SERPINA5: variants seen among roughly 807,000 people sequenced by gnomAD.
SERPINA5 encodes the protein serpin family A member 5, also known as plasma serine protease inhibitor.
A neutral mutation model predicts 25.3 loss-of-function variants in SERPINA5; 25 were observed. The observed-to-expected ratio is 0.99, with a 90% confidence interval of 0.72 to 1.38. The LOEUF (loss-of-function observed/expected upper bound fraction) is 1.38, where lower values mean the gene tolerates loss of function less well. SERPINA5 is among the 40% of genes most tolerant of loss of function. The pLI, the probability that SERPINA5 is intolerant of heterozygous loss-of-function variation, is 0.00. For synonymous variants in SERPINA5, 234 were observed against 206.2 expected (o/e 1.14, Z -1.16); for missense variants, 599 against 509.5 (o/e 1.18, Z -1.69).
At chr14:94,589,026 G>T (rs1249220281) in intron 3 of SERPINA5, among the ~76,000 whole-genome samples, 1 of 152,146 alleles carries the variant, frequency 6.6e-6, no homozygotes, top group Non-Finnish European at 1.5e-5. Context: ...AGTGAGTGTC[G>T]AACTTGGACT....
In SERPINA5 at chr14:94,587,935, C is replaced by T. The variant is rs1803280; in HGVS notation, c.573C>T (p.Leu191=). ...KGKIVDLLKN[L]DSNAVVIMVN... ...AGATTGTGGACTTGCTTAAGAACCT[C>T]GATAGCAATGCGGTCGTGATCATGG... The change falls in exon 3 of 6, where the codon CTC becomes CTT. Residue 191 remains leucine (L), a synonymous_variant. Transcript: ENST00000329597. 1.1e-5 allele frequency: 17 copies of T among 1,614,234 alleles called. No individual in the cohort carries two copies. Among genetic ancestry groups the T allele is most frequent in the South Asian group, 9.9e-5 (9 of 91,086 alleles).
chr14:94,591,552 C>CTAT (rs1368579528), intron 5 of SERPINA5, among the ~76,000 whole-genome samples: 1 of 120,322 alleles, frequency 8.3e-6, no homozygotes, highest in African/African-American at 3.7e-5. Context: ...CTGTTCTGTT[C>CTAT]TATTCTATTC....
In SERPINA5 at chr14:94,581,821, A is replaced by G. The variant is rs1001760796; in HGVS notation, c.-18+111A>G. The G allele has an allele frequency of 3.3e-5, 5 of 151,102 alleles. No individual in the cohort carries two copies. The East Asian group carries it at 1.0e-3, about 30-fold the overall frequency. 9.4% of individuals were successfully genotyped at this position (151,102 alleles called of 1,614,324 possible). ...TCTGCAGACACATTTGGTTGCCACAACTGGAAGGGGGGTGGGGGTTAGTGA... is the reference window on the plus strand; with the variant it reads ...TCTGCAGACACATTTGGTTGCCACAGCTGGAAGGGGGGTGGGGGTTAGTGA... On this transcript the variant is annotated intron_variant, in intron 2 of 5. Transcript: ENST00000329597.
chr14:94,592,263 C>A lies in SERPINA5; in HGVS notation c.*24C>A. The A allele has an allele frequency of 6.2e-7, 1 of 1,601,814 alleles. No homozygotes were observed. The highest frequency in any genetic ancestry group is 1.7e-5 in the Admixed American group (1 of 59,320). ...GAGGTGGGGCTTCTCCTGAAATCTACAGGCCTCAGGGTGGGAGATGAAGGG... is the reference window on the plus strand; with the variant it reads ...GAGGTGGGGCTTCTCCTGAAATCTAAAGGCCTCAGGGTGGGAGATGAAGGG... On this transcript the variant is annotated 3_prime_UTR_variant, in exon 6 of 6. Transcript: ENST00000329597.
chr14:94,590,303 C>CA lies in SERPINA5; in HGVS notation c.887dup (p.Arg297GlufsTer13). On this transcript the variant is annotated frameshift_variant, in exon 4 of 6. Transcript: ENST00000329597. LOFTEE classifies it high-confidence loss of function. ...CGCTGAGGAAGTGGCTTAAGATGTT[C>CA]AAAAAGAGGTACTTTCAGACTACCC... 2 of 1,593,752 alleles carry CA rather than the reference C, an allele frequency of 1.3e-6. No individual in the cohort carries two copies. Among genetic ancestry groups the CA allele is most frequent in the South Asian group, 1.1e-5 (1 of 88,418 alleles).
Position 94,592,603 on chromosome 14 carries a change from C to T in SERPINA5, c.*364C>T. On this transcript the variant is annotated 3_prime_UTR_variant, in exon 6 of 6. Transcript: ENST00000329597. ...ACAAAGCTCAATAGGAGGGATGTTC[C>T]AGTGGATGAGGGCCACCAGGAAGCA... 5.3e-6 allele frequency: 1 copy of T among 189,400 alleles called. No homozygotes were observed. Among genetic ancestry groups the T allele is most frequent in the Non-Finnish European group, 1.1e-5 (1 of 91,078 alleles). The allele number at this position is 189,400 out of a possible 1,614,324, so 11.7% of individuals were successfully genotyped here.
At chr14:94,582,895 T>A (rs984744556) in intron 2 of SERPINA5, among the ~76,000 whole-genome samples, 3 of 152,182 alleles carry the variant, frequency 2.0e-5, no homozygotes. Context: ...GATAAGGTAT[T>A]GCAAAGAAGT....
rs1885350041 is a variant in SERPINA5 at position 94,592,906 on chromosome 14, TC to T, written c.*669del. On this transcript the variant is annotated 3_prime_UTR_variant, in exon 6 of 6. Coordinates refer to ENST00000329597, the MANE Select transcript of SERPINA5 (RefSeq NM_000624.6). ...TTTCAATACACTCAAGTGCCATTCATCCTTTAAGAAAAACATCTGGATATCA... is the reference window on the plus strand; with the variant it reads ...TTTCAATACACTCAAGTGCCATTCATCTTTAAGAAAAACATCTGGATATCA... 1 of 152,184 alleles carries T rather than the reference TC, an allele frequency of 6.6e-6. No homozygotes were observed. The highest frequency in any genetic ancestry group is 1.5e-5 in the Non-Finnish European group (1 of 68,044). 9.4% of individuals were successfully genotyped at this position (152,184 alleles called of 1,614,324 possible). A position where few individuals can be genotyped will look rare whatever the true frequency, so the allele number is the denominator to read the frequency against.
intron 3 of SERPINA5, among the ~76,000 whole-genome samples, chr14:94,588,406 A>C (rs180902148): frequency 1.3e-3 from 197 of 152,244 alleles, no homozygotes; most frequent in African/African-American, 4.6e-3. Context: ...CTCTGCCCTC[A>C]TAGAGGCCAA....
At chr14:94,589,679 G>A (rs1209265765) in intron 3 of SERPINA5, among the ~76,000 whole-genome samples, 9 of 152,120 alleles carry the variant, frequency 5.9e-5, no homozygotes, top group African/African-American at 7.2e-5. Flanking sequence ...AGTTCACCCA[G>A]ATATCAGGTA....
At chr14:94,592,014 C>A in intron 5 of SERPINA5, 43 bp from the exon 6 acceptor site, 2 of 1,583,720 alleles carry the variant, frequency 1.3e-6, no homozygotes, top group South Asian at 2.3e-5. Context: ...GATGACTTCA[C>A]CTGCCCCTAG....
At chr14:94,591,037 TTCCAC>T (rs201105278) in intron 5 of SERPINA5, 141 bp downstream of exon 5, 68,441 of 429,600 alleles carry the variant, frequency 0.16, 10,890 homozygotes, top group Middle Eastern at 0.21. Flanking sequence ...CTCTATTCAA[TTCCAC>T]TCCACTCCAC....
Position 94,587,458 on chromosome 14 carries a change from G to A in SERPINA5, c.96G>A (p.Glu32=). ...HHPREMKKRV[E]DLHVGATVAP... is the part of the protein sequence containing the mutation. Reference sequence around the variant, plus strand: ...CCCGGGAGATGAAGAAGAGAGTCGAGGACCTCCATGTAGGTGCCACGGTGG... The same window carrying A: ...CCCGGGAGATGAAGAAGAGAGTCGAAGACCTCCATGTAGGTGCCACGGTGG... Residue 32 remains glutamate (E), a synonymous_variant, in exon 3 of 6, where the codon GAG becomes GAA. Transcript: ENST00000329597. 6.2e-7 allele frequency: 1 copy of A among 1,614,184 alleles called. No homozygotes were observed. The highest frequency in any genetic ancestry group is 8.5e-7 in the Non-Finnish European group (1 of 1,180,036).
intron 3 of SERPINA5, among the ~76,000 whole-genome samples, chr14:94,589,830 G>C (rs1227325621): frequency 6.6e-6 from 1 of 152,128 alleles, no homozygotes; most frequent in African/African-American, 2.4e-5. Flanking sequence ...AAATGTGGAA[G>C]GAAAAGTCCC....
rs1178530806 is a variant in SERPINA5, at chr14:94,587,548, C to A, written c.186C>A (p.Ser62Arg). ...LYRALASAAP[S>R]QSIFFSPVSI... is the part of the protein sequence containing the mutation. ...GGGCCTTGGCTTCCGCTGCCCCCAG[C>A]CAGAGCATCTTCTTCTCCCCTGTGA... is the stretch of plus-strand genomic sequence containing the variant. Residue 62 changes from serine to arginine, a missense_variant, in exon 3 of 6, where the codon AGC (serine) becomes AGA (arginine). Coordinates refer to ENST00000329597, the MANE Select transcript of SERPINA5 (RefSeq NM_000624.6). 3 of 1,613,716 alleles carry A rather than the reference C, an allele frequency of 1.9e-6. No individual in the cohort carries two copies. The highest frequency in any genetic ancestry group is 1.1e-5 in the South Asian group (1 of 91,040).
chr14:94,590,900 G>T lies in SERPINA5; in HGVS notation c.1038+4G>T. ...CTCAAATATCCAGGTGTCTGAGGTG[G>T]GTTCAGAAGCTCCTATGCATCTGCT... On this transcript the variant is annotated splice_donor_region_variant and intron_variant, in intron 5 of 5. Coordinates refer to ENST00000329597, the MANE Select transcript of SERPINA5 (RefSeq NM_000624.6). The T allele has an allele frequency of 6.2e-7, 1 of 1,606,376 alleles. No individual in the cohort carries two copies. Among genetic ancestry groups the T allele is most frequent in the Non-Finnish European group, 8.5e-7 (1 of 1,175,306 alleles).
In SERPINA5 at chr14:94,592,157, A is replaced by T; in HGVS notation, c.1139A>T (p.Gln380Leu). 1 of 1,614,170 alleles carries T rather than the reference A, an allele frequency of 6.2e-7. No homozygotes were observed. Among genetic ancestry groups the T allele is most frequent in the Admixed American group, 1.7e-5 (1 of 60,026 alleles). The stretch of plus-strand genomic sequence containing the variant: ...TTCAGGTCGGCCCGCCTGAACTCTC[A>T]GAGGCTAGTGTTCAACAGGCCCTTT... ...FTFRSARLNS[Q>L]RLVFNRPFLM... Residue 380 changes from glutamine to leucine, a missense_variant, in exon 6 of 6, where the codon CAG (glutamine) becomes CTG (leucine). Transcript: ENST00000329597.
chr14:94,582,523 G>A (rs1370895825), intron 2 of SERPINA5, among the ~76,000 whole-genome samples: 1 of 152,246 alleles, frequency 6.6e-6, no homozygotes, highest in Non-Finnish European at 1.5e-5. Context: ...GGAGGGAGTT[G>A]TTCAAGGTCA....
intron 3 of SERPINA5, among the ~76,000 whole-genome samples, chr14:94,588,614 C>A (rs1051509242): frequency 2.0e-5 from 3 of 152,094 alleles, no homozygotes. Flanking sequence ...GGAAGGGTTG[C>A]GAAGGAAGGT....
Sources: allele counts gnomAD v4.1 joint callset (sites outside exome capture counted in the v4.1 genomes callset), GRCh38; gene constraint gnomAD v4.1.1; transcripts MANE v1.5; gene names NCBI Gene and HGNC (gene_info 2026-07-23, HGNC 2026-07-21).